LRBA: variants seen among roughly 807,000 people sequenced by gnomAD.
LRBA encodes the protein lipopolysaccharide-responsive and beige-like anchor protein.
LRBA carries 176 observed loss-of-function variants against 330.0 expected under a neutral mutation model. The observed-to-expected ratio is 0.53, with a 90% CI of 0.47 to 0.60. LRBA has a LOEUF of 0.60. Ranked by LOEUF, LRBA falls within the 20% of genes least tolerant of loss-of-function variation. The pLI is 0.00. For missense variants in LRBA, 3,259 were observed against 3,444.8 expected (o/e 0.95, Z 1.35); for synonymous variants, 1,230 against 1,193.0 (o/e 1.03, Z -0.64).
At chr4:150,423,273 T>G in intron 46 of LRBA, 18 of 914,976 alleles carry the variant, frequency 2.0e-5, no homozygotes, top group Non-Finnish European at 2.7e-5. Context: ...CAGCATCTCC[T>G]GTAGGGGTGT....
chr4:150,637,962 C>T (rs1457996794), intron 37 of LRBA, among the ~76,000 whole-genome samples: 8 of 151,882 alleles, frequency 5.3e-5, no homozygotes, highest in African/African-American at 7.3e-5. Context: ...TTTTGGGTTC[C>T]GACTACCAAT....
intron 36 of LRBA, among the ~76,000 whole-genome samples, chr4:150,731,846 T>G (rs946227297): frequency 1.3e-5 from 2 of 152,152 alleles, no homozygotes; most frequent in African/African-American, 4.8e-5. Flanking sequence ...AAATGGTGTA[T>G]CTGGATTGTT....
chr4:150,507,869 C>T (rs1400444502), intron 40 of LRBA, among the ~76,000 whole-genome samples: 1 of 152,040 alleles, frequency 6.6e-6, no homozygotes, highest in Non-Finnish European at 1.5e-5. Flanking sequence ...AAACGTGGCA[C>T]ATACACACCA....
chr4:150,398,335 G>C (rs994800508), intron 47 of LRBA, among the ~76,000 whole-genome samples: 6 of 152,146 alleles, frequency 3.9e-5, no homozygotes, highest in African/African-American at 1.4e-4. Flanking sequence ...TAAGCCAATT[G>C]ACAGAGGTAG....
intron 2 of LRBA, among the ~76,000 whole-genome samples, chr4:150,966,089 T>C (rs991647501): frequency 6.6e-6 from 1 of 152,206 alleles, no homozygotes; most frequent in Non-Finnish European, 1.5e-5. Flanking sequence ...GTTTTGTACA[T>C]GATCCATCTT....
rs552415217 is a variant in LRBA at position 150,808,380 on chromosome 4, G to C, written c.5324C>G (p.Ala1775Gly). 8.1e-6 allele frequency: 13 copies of C among 1,608,990 alleles called. 1 individual carries two copies. The South Asian group carries it at 1.3e-4, about 16-fold the overall frequency. Residue 1775 changes from alanine (A) to glycine (G), a missense_variant, in exon 32 of 57, where the codon GCA becomes GGA. By Grantham distance (60) the Ala-to-Gly change is moderately conservative. Transcript: ENST00000651943. ...AACTGTTGGAACTGAGGGCAATTTT[G>C]CATTAGATGATCTACTGCCTATAAA... is the stretch of plus-strand genomic sequence containing the variant. The part of the protein sequence containing the change: ...GESPGSRSSN[A>G]KLPSVPTVDS...
chr4:150,734,754 G>A (rs1730967077), intron 36 of LRBA, among the ~76,000 whole-genome samples: 2 of 152,142 alleles, frequency 1.3e-5, no homozygotes, highest in Admixed American at 6.6e-5. Flanking sequence ...CCTCTCCTAT[G>A]AGAATCCAAG....
At chr4:150,875,741 T>G (rs1753953569) in intron 17 of LRBA, among the ~76,000 whole-genome samples, 1 of 152,042 alleles carries the variant, frequency 6.6e-6, no homozygotes, top group Admixed American at 6.6e-5. Flanking sequence ...AAAAAAATCT[T>G]AAAAGCATGA....
chr4:150,817,037 C>T (rs1353290110), intron 31 of LRBA, 87 bp downstream of exon 31: 18 of 1,215,246 alleles, frequency 1.5e-5, no homozygotes, highest in Non-Finnish European at 2.2e-5. Context: ...TAATGTGCCC[C>T]CAAATTTTAA....
At chr4:150,275,124 C>A (rs1004222663) in intron 56 of LRBA, among the ~76,000 whole-genome samples, 1 of 152,168 alleles carries the variant, frequency 6.6e-6, no homozygotes, top group Non-Finnish European at 1.5e-5. Context: ...GCTGGTTCAA[C>A]ATACACAAAT....
Position 150,849,575 on chromosome 4 carries a change from G to C in LRBA, c.4005C>G (p.Ser1335Arg), listed in dbSNP as rs769324229. 7 of 1,608,762 alleles carry C rather than the reference G, an allele frequency of 4.4e-6. No homozygotes were observed. The South Asian group carries it at 7.7e-5, about 18-fold the overall frequency. The stretch of plus-strand genomic sequence containing the variant: ...AGTCCATAACTGTCTTTGTTGAATG[G>C]CTGTCCAAAGATAAATGATATTTAC... ...SIETDIQMWR[S>R]HSTKTVMDFV... is the part of the protein sequence containing the mutation. The change falls in exon 25 of 57, where the codon AGC (serine) becomes AGG (arginine). Residue 1335 changes from serine (S) to arginine (R), a missense_variant and splice_region_variant. Transcript: ENST00000651943.
chr4:150,912,694 A>G (rs953788277), intron 9 of LRBA, among the ~76,000 whole-genome samples: 8 of 151,998 alleles, frequency 5.3e-5, no homozygotes, highest in African/African-American at 1.9e-4. Context: ...CTGCTGCTCT[A>G]TTTCATTTAT....
chr4:150,792,726 C>T (rs1432190641), intron 34 of LRBA, among the ~76,000 whole-genome samples: 1 of 152,014 alleles, frequency 6.6e-6, no homozygotes, highest in East Asian at 1.9e-4. Context: ...AGGCTGGTAT[C>T]GAACTCCTGG....
Position 150,376,565 on chromosome 4 carries a change from T to C in LRBA, c.7195-26406A>G, listed in dbSNP as rs190523072. Among the ~76,000 whole-genome samples, 72 of 152,262 alleles carry C rather than the reference T, an allele frequency of 4.7e-4. 1 individual carries two copies. The East Asian group carries it at 0.011, about 23-fold the overall frequency. On this transcript the variant is annotated intron_variant, in intron 47 of 56. Coordinates refer to ENST00000651943, the MANE Select transcript of LRBA (RefSeq NM_001364905.1). ...AATATGTACTAAACCATGGTTGTAA[T>C]GTGTAACCAGCTTTTCTCCAATATC...
At chr4:150,947,363 C>T (rs1051963235) in intron 2 of LRBA, among the ~76,000 whole-genome samples, 2 of 151,758 alleles carry the variant, frequency 1.3e-5, no homozygotes, top group Non-Finnish European at 2.9e-5. Context: ...TCCAGGAATG[C>T]AACACTGTTT....
At chr4:150,570,663 GA>G (rs1387943965) in intron 40 of LRBA, among the ~76,000 whole-genome samples, 1 of 152,028 alleles carries the variant, frequency 6.6e-6, no homozygotes, top group Non-Finnish European at 1.5e-5. Flanking sequence ...ACTAGGGTAT[GA>G]AAAAAATCTG....
chr4:150,335,876 T>G (rs1321562614), intron 48 of LRBA, among the ~76,000 whole-genome samples: 1 of 151,872 alleles, frequency 6.6e-6, no homozygotes, highest in Non-Finnish European at 1.5e-5. Context: ...TTTGTATTTT[T>G]GTAGAGATGG....
rs374777667 is a variant in LRBA at position 150,362,928 on chromosome 4, G to A, written c.7195-12769C>T. The stretch of plus-strand genomic sequence containing the variant: ...ATCAGCCTGGCAGCCTGGCAGCCTG[G>A]GCAACATGATGAATCCCCATCTCTA... On this transcript the variant is annotated intron_variant, in intron 47 of 56. Transcript: ENST00000651943. 2.9e-4 allele frequency among the ~76,000 whole-genome samples: 44 copies of A among 151,798 alleles called. No homozygotes were observed. The South Asian group carries it at 8.8e-3, about 30-fold the overall frequency.
chr4:150,407,233 G>A (rs1746327372), intron 47 of LRBA, among the ~76,000 whole-genome samples: 1 of 152,168 alleles, frequency 6.6e-6, no homozygotes, highest in South Asian at 2.1e-4. Context: ...GACATCCTCT[G>A]GACGAAGTGT....
Sources: allele counts gnomAD v4.1 joint callset (sites outside exome capture counted in the v4.1 genomes callset), GRCh38; gene constraint gnomAD v4.1.1; transcripts MANE v1.5; gene names NCBI Gene and HGNC (gene_info 2026-07-23, HGNC 2026-07-21).